Variants in VWA5B2 observed in about 807,000 individuals in gnomAD.
VWA5B2 encodes von Willebrand factor A domain-containing protein 5B2.
VWA5B2 carries 93 observed loss-of-function variants against 118.5 expected under a neutral mutation model. The ratio of observed to expected loss-of-function variants is 0.79; its 90% CI spans 0.66 to 0.93. The LOEUF (loss-of-function observed/expected upper bound fraction) is 0.93. Ranked by LOEUF, VWA5B2 falls within the 40% of genes least tolerant of loss-of-function variation. VWA5B2 has a pLI of 0.00. For missense variants in VWA5B2, 1,546 were observed against 1,672.8 expected, an observed-to-expected ratio of 0.92 and a Z score of 1.32; for synonymous variants, 708 against 716.3, an observed-to-expected ratio of 0.99 and a Z score of 0.19.
chr3:184,240,120 C>A, intron 16 of VWA5B2, 84 bp downstream of exon 16: 1 of 1,075,534 alleles, frequency 9.3e-7, no homozygotes, highest in Non-Finnish European at 1.3e-6. Flanking sequence ...TGATCACTCT[C>A]TATACCTCGC....
chr3:184,230,153 C>A (rs1000176468), intron 1 of VWA5B2, among the ~76,000 whole-genome samples: 1 of 152,094 alleles, frequency 6.6e-6, no homozygotes, highest in Non-Finnish European at 1.5e-5. Flanking sequence ...CCGCGGGGGG[C>A]CCCGGGGGGC....
rs1024785375 is a variant in VWA5B2, at chr3:184,233,239, C to T, written c.372C>T (p.Ile124=). Residue 124 remains isoleucine (I), a synonymous_variant, in exon 4 of 20, where the codon ATC becomes ATT. Coordinates refer to ENST00000691901, the MANE Select transcript of VWA5B2 (RefSeq NM_001390846.1). This position sits in a 1 kb window ranked among gnomAD's most constrained non-coding sequence, Gnocchi z 5.2. ...CGTTGGTGCTGCCCACAGGCATTAT[C>T]GCCGCGGCTGGCACCATGACGGTGA... is the stretch of plus-strand genomic sequence containing the variant. ...RSTLVLPTGI[I]AAAGTMTVTL... 6.4e-6 allele frequency: 10 copies of T among 1,550,442 alleles called. No individual in the cohort carries two copies. Among genetic ancestry groups the T allele is most frequent in the South Asian group, 1.2e-5 (1 of 83,944 alleles).
chr3:184,235,108 T>C (rs2108423403), intron 7 of VWA5B2, 45 bp from the exon 8 acceptor site: 1 of 1,535,884 alleles, frequency 6.5e-7, no homozygotes, highest in East Asian at 2.5e-5. Flanking sequence ...CTCAACAAAG[T>C]AGCACTAAGC....
At position 184,237,198 on chromosome 3, in the gene VWA5B2, A is replaced by C; in HGVS notation, c.1534-28A>C. 1 of 1,545,136 alleles carries C rather than the reference A, an allele frequency of 6.5e-7. No individual in the cohort carries two copies. The highest frequency in any genetic ancestry group is 8.8e-7 in the Non-Finnish European group (1 of 1,142,504). On this transcript the variant is annotated intron_variant, in intron 11 of 19. Transcript: ENST00000691901. The surrounding 1 kb of genome is among the most constrained non-coding windows in gnomAD (Gnocchi z 5.6). ...GCCGTATGACACCTCTTTCCTTCCC[A>C]TGTCTTCCCTGTGGCCACTCCCCAC...
rs1226643189 is a variant in VWA5B2, at chr3:184,233,296, G to A, written c.429G>A (p.Arg143=). The change falls in exon 4 of 20, where the codon AGG becomes AGA. Residue 143 remains arginine, a synonymous_variant. Coordinates refer to ENST00000691901, the MANE Select transcript of VWA5B2 (RefSeq NM_001390846.1). This position sits in a 1 kb window ranked among gnomAD's most constrained non-coding sequence, Gnocchi z 5.2. ...TLHSSRELPS[R]PDGVLHVALP... ...ACAGCAGCCGGGAGCTGCCCTCAAG[G>A]CCTGACGGGGTGCTGCATGTGGCCC... 2 of 1,539,088 alleles carry A rather than the reference G, an allele frequency of 1.3e-6. No individual in the cohort carries two copies. The highest frequency in any genetic ancestry group is 4.0e-5 in the Admixed American group (2 of 49,736).
At chr3:184,230,270 C>CGT (rs912506792) in intron 1 of VWA5B2, among the ~76,000 whole-genome samples, 110 bp from the exon 2 acceptor site, 5 of 152,142 alleles carry the variant, frequency 3.3e-5, no homozygotes, top group Non-Finnish European at 7.4e-5. Context: ...CCGAAGCGCG[C>CGT]GTTAATCATT....
Position 184,241,620 on chromosome 3 carries a change from C to A in VWA5B2, c.3311C>A (p.Ser1104Ter), listed in dbSNP as rs762920252. 6.5e-7 allele frequency: 1 copy of A among 1,542,212 alleles called. No homozygotes were observed. The highest frequency in any genetic ancestry group is 1.4e-5 in the African/African-American group (1 of 73,052). Residue 1104 changes from serine (S) to a stop codon, truncating the protein, a stop_gained, in exon 20 of 20, where the codon TCG becomes TAG. Coordinates refer to ENST00000691901, the MANE Select transcript of VWA5B2 (RefSeq NM_001390846.1). LOFTEE classifies it high-confidence loss of function. This position sits in a 1 kb window ranked among gnomAD's most constrained non-coding sequence, Gnocchi z 5.1. ...CACCGCGCCAGCCTCAGCCCCACCT[C>A]GGCCTCATTGCCCTGGGCACTTCTG... ...AVHRASLSPT[S>*]ASLPWALLGP...
At position 184,239,286 on chromosome 3, in the gene VWA5B2, G is replaced by C; in HGVS notation, c.2203-108G>C. The C allele has an allele frequency of 7.9e-7, 1 of 1,268,084 alleles. No homozygotes were observed. The highest frequency in any genetic ancestry group is 1.0e-6 in the Non-Finnish European group (1 of 961,976). The allele number at this position is 1,268,084 out of a possible 1,614,324, so 78.6% of individuals were successfully genotyped here. A position where few individuals can be genotyped will look rare whatever the true frequency, so the allele number is the denominator to read the frequency against. On this transcript the variant is annotated intron_variant, in intron 14 of 19. Transcript: ENST00000691901. This position sits in a 1 kb window ranked among gnomAD's most constrained non-coding sequence, Gnocchi z 5.1. Reference sequence around the variant, plus strand: ...TTGGCCTTCCTCCTCAAGCTGGTGAGCGGCCACCCAGGGTTTCAGAAAAGG... The same window carrying C: ...TTGGCCTTCCTCCTCAAGCTGGTGACCGGCCACCCAGGGTTTCAGAAAAGG...
intron 3 of VWA5B2, chr3:184,232,542 G>T (rs80153808): frequency 3.0e-4 from 45 of 152,278 alleles, no homozygotes; most frequent in African/African-American, 1.0e-3. Flanking sequence ...AGACCACGTC[G>T]GTGGTGTACA....
chr3:184,236,731 G>T lies in VWA5B2; in HGVS notation c.1515G>T (p.Gly505=), dbSNP rs1422467395. 2.6e-6 allele frequency: 4 copies of T among 1,538,912 alleles called. No individual in the cohort carries two copies. The highest frequency in any genetic ancestry group is 3.5e-6 in the Non-Finnish European group (4 of 1,139,280). ...GCCAGGCCTACTTCCTGAGGCCTGGGCAGAGGCTGCAGCCCATGGTGAGCT... is the reference window on the plus strand; with the variant it reads ...GCCAGGCCTACTTCCTGAGGCCTGGTCAGAGGCTGCAGCCCATGGTGAGCT... ...SRGQAYFLRP[G]QRLQPMLVQA... is the part of the protein sequence containing the mutation. Residue 505 remains glycine, a synonymous_variant, in exon 11 of 20, where the codon GGG becomes GGT. Transcript: ENST00000691901.
chr3:184,236,312 G>T (rs1717988164), intron 9 of VWA5B2, 31 bp from the exon 10 acceptor site: 2 of 1,550,924 alleles, frequency 1.3e-6, no homozygotes, highest in Admixed American at 2.0e-5. Context: ...TTTCAGCCCA[G>T]TGCGTCCCAG....
Position 184,241,664 on chromosome 3 carries a change from G to T in VWA5B2, c.3355G>T (p.Gly1119Cys). 6.5e-7 allele frequency: 1 copy of T among 1,533,316 alleles called. No individual in the cohort carries two copies. The allele number at this position is 1,533,316 out of a possible 1,614,324, so 95.0% of individuals were successfully genotyped here. The change falls in exon 20 of 20, where the codon GGT (glycine) becomes TGT (cysteine). Residue 1119 changes from glycine to cysteine, a missense_variant. Coordinates refer to ENST00000691901, the MANE Select transcript of VWA5B2 (RefSeq NM_001390846.1). The surrounding 1 kb of genome is among the most constrained non-coding windows in gnomAD (Gnocchi z 5.1). ...WALLGPGVGQ[G>C]DSATASCSPS... is the part of the protein sequence containing the mutation. ...ACTTCTGGGCCCTGGTGTTGGCCAGGGTGACAGTGCCACGGCCTCCTGCAG... is the reference window on the plus strand; with the variant it reads ...ACTTCTGGGCCCTGGTGTTGGCCAGTGTGACAGTGCCACGGCCTCCTGCAG...
Position 184,230,733 on chromosome 3 carries a change from G to A in VWA5B2, c.140-14G>A. The A allele has an allele frequency of 8.2e-7, 1 of 1,216,444 alleles. No individual in the cohort carries two copies. 75.4% of individuals were successfully genotyped at this position (1,216,444 alleles called of 1,614,324 possible). A position where few individuals can be genotyped will look rare whatever the true frequency, so the allele number is the denominator to read the frequency against. ...CGGGCAGGGTCCGACGCCGCCTCCCGCCGCCCTCCCCAGGCGTGTTCGTGT... is the reference window on the plus strand; with the variant it reads ...CGGGCAGGGTCCGACGCCGCCTCCCACCGCCCTCCCCAGGCGTGTTCGTGT... On this transcript the variant is annotated splice_polypyrimidine_tract_variant and intron_variant, in intron 2 of 19. Coordinates refer to ENST00000691901, the MANE Select transcript of VWA5B2 (RefSeq NM_001390846.1).
In VWA5B2 at chr3:184,233,859, G is replaced by A. The variant is rs1344109136; in HGVS notation, c.688+126G>A. ...CAAAAAGACAGGGACCCCAGCCTCCGGAACATCTGGGTTAGTGGTGGGAGC... is the reference window on the plus strand; with the variant it reads ...CAAAAAGACAGGGACCCCAGCCTCCAGAACATCTGGGTTAGTGGTGGGAGC... On this transcript the variant is annotated intron_variant, in intron 5 of 19. Transcript: ENST00000691901. The surrounding 1 kb of genome is among the most constrained non-coding windows in gnomAD (Gnocchi z 5.2). 3.1e-6 allele frequency: 4 copies of A among 1,310,654 alleles called. No individual in the cohort carries two copies. The highest frequency in any genetic ancestry group is 2.1e-6 in the Non-Finnish European group (2 of 972,978). 81.2% of individuals were successfully genotyped at this position (1,310,654 alleles called of 1,614,324 possible).
chr3:184,241,276 G>T lies in VWA5B2; in HGVS notation c.3052G>T (p.Glu1018Ter). 1.3e-6 allele frequency: 2 copies of T among 1,551,392 alleles called. No individual in the cohort carries two copies. Among genetic ancestry groups the T allele is most frequent in the Non-Finnish European group, 1.7e-6 (2 of 1,146,984 alleles). The change falls in exon 19 of 20, where the codon GAA (glutamate) becomes TAA (stop). Residue 1018 changes from glutamate (E) to a stop codon, truncating the protein, a stop_gained. Coordinates refer to ENST00000691901, the MANE Select transcript of VWA5B2 (RefSeq NM_001390846.1). LOFTEE classifies it high-confidence loss of function. This position sits in a 1 kb window ranked among gnomAD's most constrained non-coding sequence, Gnocchi z 5.1. ...RALGDPATPTEGPRRPPPRPP... is the reference protein window; with the variant it reads ...RALGDPATPT ...TTTGGGGGACCCTGCCACTCCCACG[G>T]AAGGTCCTCGCCGCCCACCTCCCCG...
rs760764183 is a variant in VWA5B2, at chr3:184,237,242, G to A, written c.1550G>A (p.Arg517Gln). The part of the protein sequence containing the change: ...RLQPMLVQAL[R>Q]KALEPALSDI... ...TCCCCACAGCTGGTACAGGCTCTGC[G>A]GAAGGCACTGGAGCCTGCTTTGAGT... Residue 517 changes from arginine to glutamine, a missense_variant, in exon 12 of 20, where the codon CGG becomes CAG. Coordinates refer to ENST00000691901, the MANE Select transcript of VWA5B2 (RefSeq NM_001390846.1). The surrounding 1 kb of genome is among the most constrained non-coding windows in gnomAD (Gnocchi z 5.6). 2.1e-5 allele frequency: 33 copies of A among 1,551,308 alleles called. No individual in the cohort carries two copies. The highest frequency in any genetic ancestry group is 3.3e-4 in the Middle Eastern group (2 of 6,012).
chr3:184,236,077 A>C (rs1577089945), intron 8 of VWA5B2, 75 bp from the exon 9 acceptor site: 1 of 1,305,170 alleles, frequency 7.7e-7, no homozygotes, highest in East Asian at 2.5e-5. Flanking sequence ...TGGATAACGC[A>C]GTGATCTGGC....
rs768716653 is a variant in VWA5B2 at position 184,242,012 on chromosome 3, C to T, written c.3703C>T (p.Leu1235=). 377 of 1,550,094 alleles carry T rather than the reference C, an allele frequency of 2.4e-4. 2 individuals carry two copies. Among genetic ancestry groups the T allele is most frequent in the Non-Finnish European group, 2.8e-4 (322 of 1,146,974 alleles). Residue 1235 remains leucine (L), a synonymous_variant, in exon 20 of 20, where the codon CTG becomes TTG. Transcript: ENST00000691901. The part of the protein sequence containing the change: ...HWDQNLQLHL[L]CYSPANV ...GGACCAAAACCTGCAGCTACACCTG[C>T]TGTGCTACAGCCCAGCGAACGTGTG...
At chr3:184,232,981 T>C in intron 3 of VWA5B2, 197 bp from the exon 4 acceptor site, 1 of 588,994 alleles carries the variant, frequency 1.7e-6, no homozygotes, top group East Asian at 3.0e-5. Context: ...GACAGCCAGA[T>C]CTGTTCACAG....
Sources: allele counts gnomAD v4.1 joint callset (sites outside exome capture counted in the v4.1 genomes callset), GRCh38; gene constraint gnomAD v4.1.1; non-coding constraint Gnocchi (gnomAD v3.1); transcripts MANE v1.5; gene names NCBI Gene and HGNC (gene_info 2026-07-23, HGNC 2026-07-21).